ZDHHC9: variants seen among roughly 807,000 people sequenced by gnomAD.
The protein encoded by ZDHHC9 is palmitoyltransferase ZDHHC9.
A neutral mutation model predicts 26.6 loss-of-function variants in ZDHHC9; 3 were observed. The ratio of observed to expected loss-of-function variants is 0.11; its 90% confidence interval spans 0.05 to 0.29. The LOEUF is 0.29. Among genes scored for constraint, ZDHHC9 ranks in the 10% least tolerant of loss-of-function variants. The probability of loss-of-function intolerance (pLI) is 1.00; values close to 1 mark genes in which losing one functional copy is unlikely to be tolerated. For synonymous variants in ZDHHC9, 111 were observed against 109.4 expected (o/e 1.01, Z -0.09); for missense variants, 146 against 296.4 (o/e 0.49, Z 3.73).
intron 5 of ZDHHC9, 104 bp from the exon 6 acceptor site, chrX:129,814,899 T>C: frequency 1.1e-6 from 1 of 939,046 alleles, no homozygotes; most frequent in Non-Finnish European, 1.5e-6. Context: ...TCATTGTCTA[T>C]TTCAGTTGTA....
intron 3 of ZDHHC9, among the ~76,000 whole-genome samples, chrX:129,838,318 T>C (rs1428704380): frequency 9.0e-6 from 1 of 111,488 alleles, no homozygotes; most frequent in Non-Finnish European, 1.9e-5. Flanking sequence ...TTAGTGAATA[T>C]TTGGCCAAAT....
At chrX:129,811,104 T>C (rs1262151265) in intron 9 of ZDHHC9, 103 bp from the exon 10 acceptor site, 1 of 704,859 alleles carries the variant, frequency 1.4e-6, no homozygotes. Context: ...AACCTGTCCT[T>C]TGGCAATCTA....
intron 5 of ZDHHC9, among the ~76,000 whole-genome samples, chrX:129,821,029 T>C (rs1927870908): frequency 1.8e-5 from 2 of 111,020 alleles, no homozygotes; most frequent in Non-Finnish European, 1.9e-5. Context: ...CCAACAAATA[T>C]ATGAAAAAAT....
intron 6 of ZDHHC9, among the ~76,000 whole-genome samples, chrX:129,814,433 C>T (rs761735999): frequency 2.7e-5 from 3 of 111,947 alleles, no homozygotes; most frequent in Non-Finnish European, 3.8e-5. Flanking sequence ...GGCCCCAGTG[C>T]CCAGCAGTTG....
At chrX:129,838,088 T>C (rs1928299025) in intron 3 of ZDHHC9, among the ~76,000 whole-genome samples, 1 of 112,413 alleles carries the variant, frequency 8.9e-6, no homozygotes, top group Non-Finnish European at 1.9e-5. Context: ...CTCACATTTC[T>C]TAAATACCTC....
chrX:129,828,490 C>T lies in ZDHHC9; in HGVS notation c.328+491G>A, dbSNP rs193198292. Among the ~76,000 whole-genome samples the T allele has an allele frequency of 4.3e-3, 467 of 109,299 alleles. 2 individuals carry two copies. Among genetic ancestry groups the T allele is most frequent in the African/African-American group, 0.015 (441 of 29,993 alleles). The allele number at this position is 109,299 out of a possible 115,157, so 94.9% of individuals were successfully genotyped here. A position where few individuals can be genotyped will look rare whatever the true frequency, so the allele number is the denominator to read the frequency against. On this transcript the variant is annotated intron_variant, in intron 4 of 10. Transcript: ENST00000357166. ...TACAAAAATTAGCTGGGTGTGGTGG[C>T]ATGTGACTGTAATCCCAGCTACTCG... is the stretch of plus-strand genomic sequence containing the variant.
intron 3 of ZDHHC9, among the ~76,000 whole-genome samples, chrX:129,833,888 G>C (rs1928200958): frequency 9.0e-6 from 1 of 111,640 alleles, no homozygotes; most frequent in South Asian, 3.7e-4. Flanking sequence ...ATACTCTTTG[G>C]TCACACATGG....
At chrX:129,813,273 T>A (rs1168704331) in intron 7 of ZDHHC9, among the ~76,000 whole-genome samples, 1 of 111,835 alleles carries the variant, frequency 8.9e-6, no homozygotes, top group Non-Finnish European at 1.9e-5. Flanking sequence ...GTGGCGGGCA[T>A]CTGTAGTCCA....
Position 129,814,736 on chromosome X carries a change from A to G in ZDHHC9, c.547T>C (p.Tyr183His), listed in dbSNP as rs1426282263. 8.3e-7 allele frequency: 1 copy of G among 1,208,708 alleles called. No homozygotes were observed. Reference sequence around the variant, plus strand: ...AGAGAAAGGATGAAGAGGTAGAAGTAGCGGTAGTTCCTCTTTCCAACACAA... The same window carrying G: ...AGAGAAAGGATGAAGAGGTAGAAGTGGCGGTAGTTCCTCTTTCCAACACAA... ...GNCVGKRNYR[Y>H]FYLFILSLSL... is the part of the protein sequence containing the mutation. The change falls in exon 6 of 11, where the codon TAC (tyrosine) becomes CAC (histidine). Residue 183 changes from tyrosine to histidine, a missense_variant. Coordinates refer to ENST00000357166, the MANE Select transcript of ZDHHC9 (RefSeq NM_016032.4).
At chrX:129,808,269 TG>T (rs1330493013) in intron 10 of ZDHHC9, among the ~76,000 whole-genome samples, 4 of 111,978 alleles carry the variant, frequency 3.6e-5, no homozygotes, top group Admixed American at 2.9e-4. Context: ...AAAACAATCA[TG>T]AAAAAGAAGT....
chrX:129,810,651 C>T (rs753977038), intron 10 of ZDHHC9, among the ~76,000 whole-genome samples: 2 of 111,792 alleles, frequency 1.8e-5, no homozygotes, highest in African/African-American at 6.5e-5. Context: ...GCAGGGACAT[C>T]GTTTGCCTCA....
chrX:129,833,267 A>G (rs974366257), intron 3 of ZDHHC9, among the ~76,000 whole-genome samples: 2 of 111,667 alleles, frequency 1.8e-5, no homozygotes, highest in African/African-American at 6.5e-5. Flanking sequence ...TCAGGCTACC[A>G]TAGCTGGACT....
intron 3 of ZDHHC9, among the ~76,000 whole-genome samples, chrX:129,830,695 C>T (rs1928120800): frequency 9.0e-6 from 1 of 111,579 alleles, no homozygotes; most frequent in Admixed American, 9.6e-5. Context: ...CTAAGAAAAA[C>T]GCTTACCTCA....
intron 3 of ZDHHC9, among the ~76,000 whole-genome samples, chrX:129,829,875 T>G (rs1432038483): frequency 8.9e-6 from 1 of 111,830 alleles, no homozygotes; most frequent in Non-Finnish European, 1.9e-5. Flanking sequence ...TACTCATCTT[T>G]CAGGTGCCAG....
At chrX:129,830,842 G>T (rs1316177378) in intron 3 of ZDHHC9, among the ~76,000 whole-genome samples, 2 of 111,858 alleles carry the variant, frequency 1.8e-5, no homozygotes, top group Admixed American at 9.5e-5. Context: ...TTCATGGGGG[G>T]ACACAAGCCA....
chrX:129,820,425 C>CA (rs72086397), intron 5 of ZDHHC9, among the ~76,000 whole-genome samples: 1,318 of 64,820 alleles, frequency 0.02, 23 homozygotes, highest in South Asian at 0.11. Context: ...ACAAAAAATA[C>CA]AAAAAAAAAA....
chrX:129,819,868 G>C (rs1379253267), intron 5 of ZDHHC9, among the ~76,000 whole-genome samples: 1 of 110,100 alleles, frequency 9.1e-6, no homozygotes, highest in African/African-American at 3.3e-5. Context: ...GCTAATTTTT[G>C]TATGTTTTAG....
At position 129,839,980 on chromosome X, in the gene ZDHHC9, G is replaced by A. The variant is rs530465409; in HGVS notation, c.167+1799C>T. Reference sequence around the variant, plus strand: ...CAAAATGCAAGAAATAACCTGGGGCGGGGGGAAGTCATCATGGTAGAAAAC... The same window carrying A: ...CAAAATGCAAGAAATAACCTGGGGCAGGGGGAAGTCATCATGGTAGAAAAC... On this transcript the variant is annotated intron_variant, in intron 3 of 10. Coordinates refer to ENST00000357166, the MANE Select transcript of ZDHHC9 (RefSeq NM_016032.4). Among the ~76,000 whole-genome samples, 58 of 111,532 alleles carry A rather than the reference G, an allele frequency of 5.2e-4. 1 individual carries two copies. The South Asian group carries it at 0.021, about 40-fold the overall frequency.
chrX:129,823,518 G>T lies in ZDHHC9; in HGVS notation c.487+161C>A, dbSNP rs1033441168. 67 of 550,241 alleles carry T rather than the reference G, an allele frequency of 1.2e-4. No homozygotes were observed. The African/African-American group carries it at 1.3e-3, about 10-fold the overall frequency. 45.3% of individuals were successfully genotyped at this position (550,241 alleles called of 1,213,427 possible). A position where few individuals can be genotyped will look rare whatever the true frequency, so the allele number is the denominator to read the frequency against. ...TGATCTACACAAGTACAGCTGATTTGCAGTTTTTCAGGAGCTTGTTGCCTA... is the reference window on the plus strand; with the variant it reads ...TGATCTACACAAGTACAGCTGATTTTCAGTTTTTCAGGAGCTTGTTGCCTA... On this transcript the variant is annotated intron_variant, in intron 5 of 10. Transcript: ENST00000357166.
Sources: gnomAD v4.1 joint callset for allele counts (sites outside exome capture counted in the v4.1 genomes callset) on GRCh38, gnomAD v4.1.1 for gene constraint, MANE v1.5 for transcripts, NCBI Gene and HGNC (gene_info 2026-07-23, HGNC 2026-07-21) for gene names.